The following SERGEF variants were observed in gnomAD, a reference collection of about 807,000 sequenced individuals.
SERGEF encodes secretion regulating guanine nucleotide exchange factor, also known as secretion-regulating guanine nucleotide exchange factor.
In SERGEF, 51 loss-of-function variants were observed where a neutral mutation model predicts 50.0. That is an observed-to-expected ratio of 1.02 (90% confidence interval 0.81 to 1.29). The LOEUF is 1.29. SERGEF is among the 50% of genes most tolerant of loss of function. SERGEF has a pLI of 0.00. For missense variants in SERGEF, 521 were observed against 557.0 expected, an observed-to-expected ratio of 0.94 and a Z score of 0.65; for synonymous variants, 205 against 212.4, an observed-to-expected ratio of 0.97 and a Z score of 0.30.
Position 17,991,520 on chromosome 11 carries a change from C to T in SERGEF, c.685+1411G>A, listed in dbSNP as rs1295269544. On this transcript the variant is annotated intron_variant, in intron 7 of 10. Coordinates refer to ENST00000265965, the MANE Select transcript of SERGEF (RefSeq NM_012139.4). This position sits in a 1 kb window ranked among gnomAD's most constrained non-coding sequence, Gnocchi z 4.9. ...AACACATCACTTCTCACCCTAAGGT[C>T]TCTAGTCCTTCTTCTGTAAAAGGAA... Among the ~76,000 whole-genome samples the T allele has an allele frequency of 6.6e-6, 1 of 152,206 alleles. No individual in the cohort carries two copies. Among genetic ancestry groups the T allele is most frequent in the Non-Finnish European group, 1.5e-5 (1 of 68,046 alleles).
At chr11:17,901,010 C>A (rs1478424674) in intron 9 of SERGEF, among the ~76,000 whole-genome samples, 1 of 152,124 alleles carries the variant, frequency 6.6e-6, no homozygotes, top group Non-Finnish European at 1.5e-5. Flanking sequence ...AAACAGAACA[C>A]ACCGTCTACC....
At chr11:17,823,735 G>A (rs1850127027) in intron 10 of SERGEF, among the ~76,000 whole-genome samples, 1 of 152,188 alleles carries the variant, frequency 6.6e-6, no homozygotes, top group African/African-American at 2.4e-5. Context: ...GTGCTGAGAA[G>A]TGGGACTGTT....
At position 17,976,765 on chromosome 11, in the gene SERGEF, A is replaced by G. The variant is rs540376012; in HGVS notation, c.844+11832T>C. ...GGAACAAATCAATCTCCATCAGGAA[A>G]GAGGAAGATTCTTTGAATGGAAACT... On this transcript the variant is annotated intron_variant, in intron 8 of 10. Coordinates refer to ENST00000265965, the MANE Select transcript of SERGEF (RefSeq NM_012139.4). Among the ~76,000 whole-genome samples the G allele has an allele frequency of 3.3e-5, 5 of 152,350 alleles. No individual in the cohort carries two copies. In the East Asian group the frequency reaches 9.6e-4, roughly 29 times the overall value.
At chr11:17,948,367 G>A (rs919527899) in intron 9 of SERGEF, among the ~76,000 whole-genome samples, 3 of 152,160 alleles carry the variant, frequency 2.0e-5, no homozygotes, top group Admixed American at 6.5e-5. Context: ...ACTCAGAGAA[G>A]TAAAAGCAGC....
At chr11:17,798,072 G>A (rs761524213) in intron 10 of SERGEF, among the ~76,000 whole-genome samples, 33 of 152,264 alleles carry the variant, frequency 2.2e-4, no homozygotes, top group Non-Finnish European at 1.6e-4. Context: ...GCAGATACAC[G>A]CTCCCCAGGC....
At chr11:17,973,643 T>A (rs528848492) in intron 8 of SERGEF, among the ~76,000 whole-genome samples, 11 of 152,244 alleles carry the variant, frequency 7.2e-5, no homozygotes, top group African/African-American at 2.4e-4. Context: ...TCAAATTTAG[T>A]CTAACCCCAT....
chr11:17,983,436 A>G (rs1231338916), intron 8 of SERGEF, among the ~76,000 whole-genome samples: 3 of 152,212 alleles, frequency 2.0e-5, no homozygotes, highest in Non-Finnish European at 4.4e-5. Flanking sequence ...AGAGAGCTCA[A>G]GAGTTTCCAA....
At chr11:17,955,493 G>C (rs1291524802) in intron 9 of SERGEF, among the ~76,000 whole-genome samples, 1 of 152,160 alleles carries the variant, frequency 6.6e-6, no homozygotes, top group Admixed American at 6.5e-5. Context: ...ATAAAAGGTG[G>C]GACAGCACAC....
chr11:17,886,596 A>G (rs766313040), intron 9 of SERGEF, among the ~76,000 whole-genome samples: 17 of 152,192 alleles, frequency 1.1e-4, no homozygotes, highest in Non-Finnish European at 2.1e-4. Flanking sequence ...AGCCTGGGCG[A>G]GTACTAAAAG....
intron 8 of SERGEF, among the ~76,000 whole-genome samples, chr11:17,962,444 A>T (rs1199209746): frequency 6.6e-6 from 1 of 152,246 alleles, no homozygotes; most frequent in South Asian, 2.1e-4. Context: ...GGGAGATTCA[A>T]ATCACAAATT....
intron 9 of SERGEF, among the ~76,000 whole-genome samples, chr11:17,906,488 G>GT (rs1481629208): frequency 7.9e-5 from 12 of 152,060 alleles, no homozygotes; most frequent in African/African-American, 2.9e-4. Flanking sequence ...AAGGGGGTTG[G>GT]TGGGGTGGGG....
rs189560969 is a variant in SERGEF at position 17,812,478 on chromosome 11, G to A, written c.1049-24065C>T. Among the ~76,000 whole-genome samples the A allele has an allele frequency of 1.4e-4, 22 of 152,324 alleles. No individual in the cohort carries two copies. The South Asian group carries it at 1.9e-3, about 13-fold the overall frequency. On this transcript the variant is annotated intron_variant, in intron 10 of 10. Coordinates refer to ENST00000265965, the MANE Select transcript of SERGEF (RefSeq NM_012139.4). Reference sequence around the variant, plus strand: ...GCTCCACCAGGGTTAGATCTGGCAGGTTCTGCAGCAAACAGGCTGTCTGCT... The same window carrying A: ...GCTCCACCAGGGTTAGATCTGGCAGATTCTGCAGCAAACAGGCTGTCTGCT...
rs931610339 is a variant in SERGEF, at chr11:17,871,729, T to G, written c.1048+6479A>C. Among the ~76,000 whole-genome samples the G allele has an allele frequency of 3.9e-5, 6 of 152,204 alleles. No individual in the cohort carries two copies. The East Asian group carries it at 1.2e-3, about 29-fold the overall frequency. ...CATTAGTTATGAGAGAAATGCAAAT[T>G]AAAATCAGTGAGATTCCACACTGCA... On this transcript the variant is annotated intron_variant, in intron 10 of 10. Coordinates refer to ENST00000265965, the MANE Select transcript of SERGEF (RefSeq NM_012139.4).
chr11:17,955,778 C>T (rs964538796), intron 9 of SERGEF, among the ~76,000 whole-genome samples: 2 of 152,128 alleles, frequency 1.3e-5, no homozygotes, highest in African/African-American at 4.8e-5. Context: ...GAAACAAGGG[C>T]AGAGAATAGA....
At chr11:17,855,833 T>G (rs1227568335) in intron 10 of SERGEF, 1 of 152,298 alleles carries the variant, frequency 6.6e-6, no homozygotes, top group East Asian at 1.9e-4. Context: ...GCAGGTCCTC[T>G]GGCTGGCTCA....
intron 8 of SERGEF, among the ~76,000 whole-genome samples, chr11:17,987,205 G>A (rs953810944): frequency 6.6e-6 from 1 of 152,192 alleles, no homozygotes; most frequent in Non-Finnish European, 1.5e-5. Flanking sequence ...CAGGAAAGAG[G>A]TCAGAAATCC....
rs754004702 is a variant in SERGEF at position 17,936,629 on chromosome 11, G to A, written c.1011+22841C>T. 1.4e-4 allele frequency among the ~76,000 whole-genome samples: 22 copies of A among 152,122 alleles called. No individual in the cohort carries two copies. In the East Asian group the frequency reaches 2.5e-3, roughly 17 times the overall value. On this transcript the variant is annotated intron_variant, in intron 9 of 10. Coordinates refer to ENST00000265965, the MANE Select transcript of SERGEF (RefSeq NM_012139.4). Reference sequence around the variant, plus strand: ...TACGAAGCTTCCTGCTCTCTAGGGCGTACACTCTGATCCAAACGTGGCTCC... The same window carrying A: ...TACGAAGCTTCCTGCTCTCTAGGGCATACACTCTGATCCAAACGTGGCTCC...
At chr11:18,002,420 C>A (rs211135) in intron 4 of SERGEF, among the ~76,000 whole-genome samples, 77,765 of 151,902 alleles carry the variant, frequency 0.51, 20,903 homozygotes, top group African/African-American at 0.69. Context: ...CTGGAACTTC[C>A]ACCTCTTCCT....
intron 10 of SERGEF, chr11:17,877,869 G>A (rs541047419): frequency 4.1e-4 from 81 of 198,056 alleles, no homozygotes; most frequent in Middle Eastern, 1.9e-3. Flanking sequence ...GGATTTATTC[G>A]AAAAACCAGA....
Sources: allele counts gnomAD v4.1 joint callset (sites outside exome capture counted in the v4.1 genomes callset), GRCh38; gene constraint gnomAD v4.1.1; non-coding constraint Gnocchi (gnomAD v3.1); transcripts MANE v1.5; gene names NCBI Gene and HGNC (gene_info 2026-07-23, HGNC 2026-07-21).